Variants in ZFAT observed in about 807,000 individuals in gnomAD.
ZFAT encodes the protein zinc finger protein ZFAT.
Under a neutral mutation model 117.7 loss-of-function variants are expected in ZFAT, and 64 were observed. That is an observed-to-expected ratio of 0.54 (90% CI 0.44 to 0.67). The LOEUF (loss-of-function observed/expected upper bound fraction) is 0.67. Ranked by LOEUF, ZFAT falls within the 30% of genes least tolerant of loss-of-function variation. ZFAT has a pLI of 0.00. For missense variants in ZFAT, 1,433 were observed against 1,584.5 expected (o/e 0.90, Z 1.62); for synonymous variants, 679 against 615.0 (o/e 1.10, Z -1.54).
At position 134,491,259 on chromosome 8, in the gene ZFAT, G is replaced by A. The variant is rs556223152; in HGVS notation, c.3493-12538C>T. Among the ~76,000 whole-genome samples the A allele has an allele frequency of 1.1e-4, 16 of 152,272 alleles. No homozygotes were observed. In the East Asian group the frequency reaches 2.3e-3, roughly 22 times the overall value. On this transcript the variant is annotated intron_variant, in intron 15 of 15. Coordinates refer to ENST00000377838, the MANE Select transcript of ZFAT (RefSeq NM_020863.4). ...GAAGACTGTACTTCATTTGCTCTAC[G>A]AAAGCCCTCCGGCATCAGCGATGCT...
At chr8:134,714,499 A>C (rs970126352), upstream of ZFAT, among the ~76,000 whole-genome samples, 11 of 152,122 alleles carry the variant, frequency 7.2e-5, no homozygotes, top group African/African-American at 2.7e-4. Context: ...TCCCTTGGGC[A>C]TTGAGCTTCA....
At chr8:134,606,421 T>G (rs928841643) in intron 5 of ZFAT, among the ~76,000 whole-genome samples, 5 of 152,210 alleles carry the variant, frequency 3.3e-5, no homozygotes, top group African/African-American at 4.8e-5. Context: ...TGATTAAGTT[T>G]TAAAAAGTGA....
chr8:134,779,433 A>C, the ZFAT span, among the ~76,000 whole-genome samples: 1 of 151,696 alleles, frequency 6.6e-6, no homozygotes, highest in Admixed American at 6.6e-5. Flanking sequence ...TTCGCAGCTC[A>C]TGTACCCTCC....
chr8:134,480,744 G>A (rs1013010691), intron 15 of ZFAT, among the ~76,000 whole-genome samples: 7 of 152,178 alleles, frequency 4.6e-5, no homozygotes, highest in Non-Finnish European at 1.0e-4. Context: ...CGACATGTCC[G>A]GGTCCTTTCC....
rs145305295 is a variant in ZFAT, at chr8:134,642,236, C to A, written c.197-4524G>T. 1.2e-4 allele frequency among the ~76,000 whole-genome samples: 19 copies of A among 152,274 alleles called. No individual in the cohort carries two copies. In the East Asian group the frequency reaches 3.7e-3, roughly 29 times the overall value. On this transcript the variant is annotated intron_variant, in intron 2 of 15. Transcript: ENST00000377838. ...AAAAATGTATCTGCAGAATCACATACCCCTGAAGCATGGGTAAGAAAAGGT... is the reference window on the plus strand; with the variant it reads ...AAAAATGTATCTGCAGAATCACATAACCCTGAAGCATGGGTAAGAAAAGGT...
At chr8:134,492,006 T>TTTTTTG (rs772068128) in intron 15 of ZFAT, among the ~76,000 whole-genome samples, 2 of 150,492 alleles carry the variant, frequency 1.3e-5, no homozygotes, top group African/African-American at 4.9e-5. Flanking sequence ...ACACTAGAGT[T>TTTTTTG]TTTTTGTTTT....
At chr8:134,599,743 T>C (rs1827261653) in intron 7 of ZFAT, 1 of 455,814 alleles carries the variant, frequency 2.2e-6, no homozygotes, top group African/African-American at 2.0e-5. Flanking sequence ...GGGCCAGATG[T>C]GCTTCCTTTA....
intron 11 of ZFAT, among the ~76,000 whole-genome samples, chr8:134,560,480 T>C (rs1236189725): frequency 2.0e-5 from 3 of 152,284 alleles, no homozygotes; most frequent in Non-Finnish European, 4.4e-5. Context: ...TTTTGATTCA[T>C]GTGCAAGGAG....
chr8:134,513,468 C>T lies in ZFAT; in HGVS notation c.3235-867G>A, dbSNP rs1352996826. Among the ~76,000 whole-genome samples, 8 of 152,112 alleles carry T rather than the reference C, an allele frequency of 5.3e-5. No homozygotes were observed. In the East Asian group the frequency reaches 1.2e-3, roughly 22 times the overall value. On this transcript the variant is annotated intron_variant, in intron 13 of 15. Transcript: ENST00000377838. ...GATTACAGGTGTGAGCCACCACGCT[C>T]GGCTGTGCCATTCTTATTCGAACAT... is the stretch of plus-strand genomic sequence containing the variant.
intron 2 of ZFAT, among the ~76,000 whole-genome samples, chr8:134,649,020 G>GA (rs1025637883): frequency 4.7e-5 from 7 of 150,510 alleles, no homozygotes; most frequent in Non-Finnish European, 7.4e-5. Context: ...CAACAAATAA[G>GA]AAAAAAAACC....
At chr8:134,591,484 C>T (rs59768504) in intron 7 of ZFAT, among the ~76,000 whole-genome samples, 2,764 of 152,260 alleles carry the variant, frequency 0.018, 87 homozygotes, top group African/African-American at 0.063. Flanking sequence ...CACTTGAGGG[C>T]GATTTCATAT....
intron 11 of ZFAT, among the ~76,000 whole-genome samples, chr8:134,560,426 C>G (rs1320595445): frequency 7.9e-5 from 12 of 152,066 alleles, no homozygotes; most frequent in Non-Finnish European, 1.5e-4. Flanking sequence ...AATGAGTGTC[C>G]CTTTTAAATG....
chr8:134,613,498 G>A (rs555977511), intron 3 of ZFAT, among the ~76,000 whole-genome samples: 2 of 152,306 alleles, frequency 1.3e-5, no homozygotes, highest in African/African-American at 4.8e-5. Context: ...GAGAAGAGAA[G>A]ACTGCACAAG....
intron 1 of ZFAT, 75 bp from the exon 2 acceptor site, chr8:134,657,812 A>T: frequency 6.0e-6 from 9 of 1,495,312 alleles, no homozygotes; most frequent in Non-Finnish European, 8.1e-6. Flanking sequence ...GCCAAAGACA[A>T]TACCGAAAGC....
chr8:134,689,942 C>G (rs1021536880), intron 1 of ZFAT, among the ~76,000 whole-genome samples: 1 of 152,158 alleles, frequency 6.6e-6, no homozygotes, highest in Admixed American at 6.5e-5. Flanking sequence ...ATAAAATAAT[C>G]AAGAAAAAAT....
At chr8:134,605,982 G>T (rs1248910966) in intron 5 of ZFAT, among the ~76,000 whole-genome samples, 1 of 152,200 alleles carries the variant, frequency 6.6e-6, no homozygotes, top group Non-Finnish European at 1.5e-5. Context: ...GATTGACTTG[G>T]TCTAGGGACA....
At chr8:134,633,349 C>A (rs6577713) in intron 3 of ZFAT, among the ~76,000 whole-genome samples, 115,044 of 152,218 alleles carry the variant, frequency 0.76, 43,776 homozygotes, top group East Asian at 0.91. Context: ...CGTTAAATAA[C>A]AACTTAACAA....
At chr8:134,628,588 G>T (rs907059411) in intron 3 of ZFAT, among the ~76,000 whole-genome samples, 1 of 152,116 alleles carries the variant, frequency 6.6e-6, no homozygotes, top group African/African-American at 2.4e-5. Flanking sequence ...CTGAAATTCG[G>T]GAATAAAAAA....
the ZFAT span, among the ~76,000 whole-genome samples, chr8:134,790,905 C>T: frequency 1.6e-4 from 25 of 152,028 alleles, no homozygotes; most frequent in South Asian, 5.2e-3. Context: ...GTCCCACCTA[C>T]TCGGGAGGCT....
Sources: allele counts gnomAD v4.1 joint callset (sites outside exome capture counted in the v4.1 genomes callset), GRCh38; gene constraint gnomAD v4.1.1; transcripts MANE v1.5; gene names NCBI Gene and HGNC (gene_info 2026-07-23, HGNC 2026-07-21).